CALCOCO2: variants seen among roughly 807,000 people sequenced by gnomAD.
CALCOCO2 encodes the protein calcium-binding and coiled-coil domain-containing protein 2.
A neutral mutation model predicts 62.5 loss-of-function variants in CALCOCO2; 42 were observed. The observed-to-expected ratio is 0.67, with a 90% CI of 0.53 to 0.87. CALCOCO2 has a LOEUF of 0.87. CALCOCO2 is among the 40% of genes least tolerant of loss of function. The pLI is 0.00. For synonymous variants in CALCOCO2, 167 were observed against 173.0 expected (o/e 0.97, Z 0.27); for missense variants, 456 against 515.0 (o/e 0.89, Z 1.11).
intron 1 of CALCOCO2, chr17:48,841,467 C>T (rs531638522): frequency 7.6e-6 from 3 of 392,200 alleles, no homozygotes; most frequent in African/African-American, 4.1e-5. Flanking sequence ...GGTTGTGGTG[C>T]CTGTGGTGAA....
intron 9 of CALCOCO2, among the ~76,000 whole-genome samples, chr17:48,853,648 G>A (rs1458612709): frequency 6.6e-6 from 1 of 152,198 alleles, no homozygotes; most frequent in African/African-American, 2.4e-5. Context: ...CTAAGATACT[G>A]TATGCTTTAG....
chr17:48,833,874 A>G (rs1171806119), intron 1 of CALCOCO2, among the ~76,000 whole-genome samples: 1 of 152,090 alleles, frequency 6.6e-6, no homozygotes, highest in Non-Finnish European at 1.5e-5. Context: ...CATGCATGTA[A>G]TCCCAGCACT....
In CALCOCO2 at chr17:48,864,899, C is replaced by T. The variant is rs896470816; in HGVS notation, c.*1894C>T. 3 of 152,178 alleles carry T rather than the reference C, an allele frequency of 2.0e-5. No individual in the cohort carries two copies. The highest frequency in any genetic ancestry group is 2.9e-5 in the Non-Finnish European group (2 of 68,050). The allele number at this position is 152,178 out of a possible 1,614,324, so 9.4% of individuals were successfully genotyped here. A position where few individuals can be genotyped will look rare whatever the true frequency, so the allele number is the denominator to read the frequency against. On this transcript the variant is annotated 3_prime_UTR_variant, in exon 13 of 13. Transcript: ENST00000258947. ...CTCCCTACAGAATTTCTGTTGCTCCCCAGATCCAGTGAAGAATTGCAGTTT... is the reference window on the plus strand; with the variant it reads ...CTCCCTACAGAATTTCTGTTGCTCCTCAGATCCAGTGAAGAATTGCAGTTT...
At chr17:48,846,987 C>G (rs1248373543) in intron 2 of CALCOCO2, among the ~76,000 whole-genome samples, 1 of 152,160 alleles carries the variant, frequency 6.6e-6, no homozygotes, top group East Asian at 1.9e-4. Context: ...ATATTTTCCA[C>G]TTAGCCAGCT....
intron 10 of CALCOCO2, 124 bp downstream of exon 10, chr17:48,856,311 G>A: frequency 1.7e-6 from 1 of 582,844 alleles, no homozygotes; most frequent in Non-Finnish European, 3.1e-6. Context: ...TGAAACAGTT[G>A]TTCCTAAACG....
chr17:48,861,659 G>GTA (rs367595425), intron 11 of CALCOCO2, among the ~76,000 whole-genome samples: 50,667 of 134,954 alleles, frequency 0.38, 11,119 homozygotes, highest in Non-Finnish European at 0.49. Context: ...ATATGTGTGT[G>GTA]TGTATATATA....
rs778232629 is a variant in CALCOCO2 at position 48,848,091 on chromosome 17, T to C, written c.208T>C (p.Tyr70His). The change falls in exon 3 of 13, where the codon TAC becomes CAC. Residue 70 changes from tyrosine (Y) to histidine (H), a missense_variant. Coordinates refer to ENST00000258947, the MANE Select transcript of CALCOCO2 (RefSeq NM_005831.5). Reference protein sequence around the residue: ...RVGWKTTREYYTFMWVTLPID... With the variant: ...RVGWKTTREYHTFMWVTLPID... ...GGGGTGGAAGACAACCCGTGAGTAT[T>C]ACACCTTCATGTGGGTTACTTTGCC... 6.2e-7 allele frequency: 1 copy of C among 1,612,754 alleles called. No individual in the cohort carries two copies. The highest frequency in any genetic ancestry group is 2.2e-5 in the East Asian group (1 of 44,878).
At chr17:48,831,294 C>G (rs1030697415) in intron 1 of CALCOCO2, 10 of 152,252 alleles carry the variant, frequency 6.6e-5, no homozygotes, top group Non-Finnish European at 1.5e-4. Context: ...TTGCGGAGGG[C>G]AGCGCTGCAG....
At position 48,848,854 on chromosome 17, in the gene CALCOCO2, T is replaced by A. The variant is rs1406137592; in HGVS notation, c.418-398T>A. On this transcript the variant is annotated intron_variant, in intron 4 of 12. Coordinates refer to ENST00000258947, the MANE Select transcript of CALCOCO2 (RefSeq NM_005831.5). ...TGAGTATTAGATTCATTTTCTTACTTCATCATTTAACAGGACACCTACTTT... is the reference window on the plus strand; with the variant it reads ...TGAGTATTAGATTCATTTTCTTACTACATCATTTAACAGGACACCTACTTT... The A allele has an allele frequency of 2.3e-5, 11 of 478,558 alleles. No individual in the cohort carries two copies. In the Admixed American group the frequency reaches 2.5e-4, roughly 11 times the overall value. 29.6% of individuals were successfully genotyped at this position (478,558 alleles called of 1,614,324 possible). A position where few individuals can be genotyped will look rare whatever the true frequency, so the allele number is the denominator to read the frequency against.
intron 11 of CALCOCO2, among the ~76,000 whole-genome samples, 181 bp from the exon 12 acceptor site, chr17:48,862,095 C>A (rs2040336783): frequency 6.6e-6 from 1 of 151,614 alleles, no homozygotes; most frequent in Admixed American, 6.6e-5. Flanking sequence ...TTTCTTTTCA[C>A]CTTATCATTG....
chr17:48,857,098 G>A (rs1390204532), intron 10 of CALCOCO2, among the ~76,000 whole-genome samples: 6 of 151,608 alleles, frequency 4.0e-5, no homozygotes, highest in Non-Finnish European at 7.4e-5. Flanking sequence ...CACCACGCCC[G>A]GCCCATTCTC....
intron 10 of CALCOCO2, among the ~76,000 whole-genome samples, chr17:48,859,750 G>A (rs907265017): frequency 6.6e-6 from 1 of 152,098 alleles, no homozygotes; most frequent in Non-Finnish European, 1.5e-5. Flanking sequence ...TGTATTTAGA[G>A]ATTTAAAACT....
At position 48,852,540 on chromosome 17, in the gene CALCOCO2, AG is replaced by A. The variant is rs2040149126; in HGVS notation, c.738del (p.Lys246AsnfsTer13). ...TCAACTCAAGAGAAAGAAATGGAGAAGCTTGTTCAGGGAGATCAAGATAAGA... is the reference window on the plus strand; with the variant it reads ...TCAACTCAAGAGAAAGAAATGGAGAACTTGTTCAGGGAGATCAAGATAAGA... Reference protein sequence around the residue: ...QLSTQEKEMEKLVQGDQDKTE... With the variant: ...QLSTQEKEMEXLVQGDQDKTE... On this transcript the variant is annotated frameshift_variant, in exon 8 of 13. Transcript: ENST00000258947. LOFTEE classifies it high-confidence loss of function. 6.2e-7 allele frequency: 1 copy of A among 1,613,534 alleles called. No homozygotes were observed. Among genetic ancestry groups the A allele is most frequent in the African/African-American group, 1.3e-5 (1 of 74,928 alleles).
At chr17:48,852,891 TC>T (rs2040154456) in intron 8 of CALCOCO2, 34 bp from the exon 9 acceptor site, 1 of 1,508,792 alleles carries the variant, frequency 6.6e-7, no homozygotes, top group African/African-American at 1.4e-5. Flanking sequence ...GTGTGTGTTT[TC>T]CCAGCAATGG....
chr17:48,836,163 T>C (rs1310534301), intron 1 of CALCOCO2, among the ~76,000 whole-genome samples: 1 of 152,206 alleles, frequency 6.6e-6, no homozygotes. Flanking sequence ...TGCCAGAGTT[T>C]GAGTGTGTGT....
At chr17:48,838,206 T>C (rs934155539) in intron 1 of CALCOCO2, among the ~76,000 whole-genome samples, 1 of 152,068 alleles carries the variant, frequency 6.6e-6, no homozygotes, top group Non-Finnish European at 1.5e-5. Flanking sequence ...GGGGGCTGCA[T>C]GTGTCGGTAA....
intron 2 of CALCOCO2, chr17:48,846,647 A>G (rs938851768): frequency 1.6e-6 from 1 of 607,834 alleles, no homozygotes; most frequent in East Asian, 2.8e-5. Context: ...TTCCTGTACC[A>G]CCGCAGGCTG....
intron 7 of CALCOCO2, 122 bp from the exon 8 acceptor site, chr17:48,852,384 T>G: frequency 1.3e-6 from 1 of 770,040 alleles, no homozygotes; most frequent in South Asian, 1.9e-5. Flanking sequence ...CTAATTTTAC[T>G]CAGTTGGCAG....
At chr17:48,840,892 C>T (rs1374422062) in intron 1 of CALCOCO2, among the ~76,000 whole-genome samples, 1 of 152,276 alleles carries the variant, frequency 6.6e-6, no homozygotes. Context: ...GTCTCTTAAA[C>T]CCTTTATGCA....
Sources: gnomAD v4.1 joint callset for allele counts (sites outside exome capture counted in the v4.1 genomes callset) on GRCh38, gnomAD v4.1.1 for gene constraint, MANE v1.5 for transcripts, NCBI Gene and HGNC (gene_info 2026-07-23, HGNC 2026-07-21) for gene names.